IQCH: variants seen among roughly 807,000 people sequenced by gnomAD.
IQCH encodes IQ motif containing H.
A neutral mutation model predicts 117.0 loss-of-function variants in IQCH; 98 were observed. That is an observed-to-expected ratio of 0.84 (90% CI 0.71 to 0.99). IQCH has a LOEUF of 0.99. Ranked by LOEUF, IQCH falls within the 50% of genes least tolerant of loss-of-function variation. The pLI is 0.00. For synonymous variants in IQCH, 412 were observed against 448.2 expected, an observed-to-expected ratio of 0.92 and a Z score of 1.02; for missense variants, 1,102 against 1,243.8, an observed-to-expected ratio of 0.89 and a Z score of 1.72.
chr15:67,466,494 CT>C lies in IQCH; in HGVS notation c.2676+1201del. ...CCCAACATGAGTGTCCCAGAGATAC[CT>C]TTTCCAAGCGGTCTCCTGCCTCTCT... On this transcript the variant is annotated intron_variant, in intron 17 of 20. Transcript: ENST00000335894. The surrounding 1 kb of genome is among the most constrained non-coding windows in gnomAD (Gnocchi z 4.4). 1 of 152,262 alleles carries C rather than the reference CT, an allele frequency of 6.6e-6. No individual in the cohort carries two copies. Among genetic ancestry groups the C allele is most frequent in the Non-Finnish European group, 1.5e-5 (1 of 68,054 alleles). 9.4% of individuals were successfully genotyped at this position (152,262 alleles called of 1,614,324 possible). A position where few individuals can be genotyped will look rare whatever the true frequency, so the allele number is the denominator to read the frequency against.
intron 6 of IQCH, among the ~76,000 whole-genome samples, chr15:67,353,102 C>T (rs2140721116): frequency 6.6e-6 from 1 of 151,552 alleles, no homozygotes; most frequent in Non-Finnish European, 1.5e-5. Context: ...GCCAAGATTG[C>T]TCCACTGCAA....
At chr15:67,300,328 A>G (rs1966961838) in intron 4 of IQCH, among the ~76,000 whole-genome samples, 2 of 152,164 alleles carry the variant, frequency 1.3e-5, no homozygotes, top group South Asian at 2.1e-4. Context: ...ATAATTTACA[A>G]GATACTTACC....
chr15:67,423,425 C>G (rs909327754), intron 16 of IQCH, among the ~76,000 whole-genome samples: 1 of 151,744 alleles, frequency 6.6e-6, no homozygotes, highest in East Asian at 1.9e-4. Context: ...AAAAATTAGC[C>G]GGGCATAGTG....
chr15:67,440,012 C>T (rs1343902579), intron 16 of IQCH, among the ~76,000 whole-genome samples: 1 of 151,554 alleles, frequency 6.6e-6, no homozygotes, highest in African/African-American at 2.4e-5. Flanking sequence ...TCCAAATAAC[C>T]TCACTAAGAA....
rs1350832761 is a variant in IQCH, at chr15:67,410,817, T to TAG, written c.2098-6113_2098-6112dup. Among the ~76,000 whole-genome samples the TAG allele has an allele frequency of 6.6e-5, 10 of 152,316 alleles. 2 individuals are homozygous for TAG. The highest frequency in any genetic ancestry group is 2.4e-4 in the African/African-American group (10 of 41,570). ...TTTCATACATTTGACAGCACTGACT[T>TAG]AGCATCACCTGTGGATGATATAATC... On this transcript the variant is annotated intron_variant, in intron 14 of 20. Transcript: ENST00000335894.
intron 4 of IQCH, among the ~76,000 whole-genome samples, chr15:67,330,377 A>G (rs561603720): frequency 3.0e-4 from 46 of 152,344 alleles, no homozygotes; most frequent in African/African-American, 1.1e-3. Flanking sequence ...GTTAAATAAC[A>G]TACACTCTGC....
intron 10 of IQCH, among the ~76,000 whole-genome samples, chr15:67,383,077 T>C (rs369554908): frequency 2.0e-5 from 3 of 149,424 alleles, no homozygotes; most frequent in African/African-American, 7.4e-5. Context: ...ATCTTGTCCA[T>C]GTAGAATGGT....
intron 4 of IQCH, among the ~76,000 whole-genome samples, chr15:67,320,983 T>C (rs767886278): frequency 3.3e-5 from 5 of 152,206 alleles, no homozygotes; most frequent in Non-Finnish European, 7.3e-5. Flanking sequence ...TTTCCCAAAC[T>C]TCCTCAGAAC....
At position 67,475,562 on chromosome 15, in the gene IQCH, C is replaced by G; in HGVS notation, c.2677-134C>G. 1.5e-6 allele frequency: 1 copy of G among 679,900 alleles called. No homozygotes were observed. The highest frequency in any genetic ancestry group is 1.9e-5 in the South Asian group (1 of 51,660). 42.1% of individuals were successfully genotyped at this position (679,900 alleles called of 1,614,324 possible). A position where few individuals can be genotyped will look rare whatever the true frequency, so the allele number is the denominator to read the frequency against. ...GTACCACAGCAATGTAAGATGTTAA[C>G]AATAGGAGAACTGGGTGTGGGGGAT... On this transcript the variant is annotated intron_variant, in intron 17 of 20. Coordinates refer to ENST00000335894, the MANE Select transcript of IQCH (RefSeq NM_001031715.3). This position sits in a 1 kb window ranked among gnomAD's most constrained non-coding sequence, Gnocchi z 5.7.
At position 67,427,416 on chromosome 15, in the gene IQCH, A is replaced by G. The variant is rs1360215287; in HGVS notation, c.2505+5839A>G. ...TTTTTTGTAGAGATAGGGTCTCACTATGTTGCCCAGGCTGGTTTTGAACTC... is the reference window on the plus strand; with the variant it reads ...TTTTTTGTAGAGATAGGGTCTCACTGTGTTGCCCAGGCTGGTTTTGAACTC... On this transcript the variant is annotated intron_variant, in intron 16 of 20. Coordinates refer to ENST00000335894, the MANE Select transcript of IQCH (RefSeq NM_001031715.3). The surrounding 1 kb of genome is among the most constrained non-coding windows in gnomAD (Gnocchi z 4.7). 2.0e-5 allele frequency among the ~76,000 whole-genome samples: 3 copies of G among 152,054 alleles called. No individual in the cohort carries two copies. The highest frequency in any genetic ancestry group is 7.2e-5 in the African/African-American group (3 of 41,462).
At chr15:67,350,246 G>A (rs765608064) in intron 6 of IQCH, among the ~76,000 whole-genome samples, 2 of 152,070 alleles carry the variant, frequency 1.3e-5, no homozygotes, top group South Asian at 2.1e-4. Context: ...TGCATTATGC[G>A]AAGTGAAAGA....
Position 67,390,888 on chromosome 15 carries a change from A to G in IQCH, c.1632+1882A>G, listed in dbSNP as rs186110889. Reference sequence around the variant, plus strand: ...CTGAGGAAACCAAGACTCATTTTCTAGTCCAAGGTTACTAGTAAGGCCAGA... The same window carrying G: ...CTGAGGAAACCAAGACTCATTTTCTGGTCCAAGGTTACTAGTAAGGCCAGA... On this transcript the variant is annotated intron_variant, in intron 12 of 20. Transcript: ENST00000335894. The surrounding 1 kb of genome is among the most constrained non-coding windows in gnomAD (Gnocchi z 5.0). Among the ~76,000 whole-genome samples the G allele has an allele frequency of 6.6e-6, 1 of 152,358 alleles. No homozygotes were observed. Among genetic ancestry groups the G allele is most frequent in the East Asian group, 1.9e-4 (1 of 5,186 alleles).
intron 3 of IQCH, among the ~76,000 whole-genome samples, chr15:67,267,647 A>G (rs1339158941): frequency 6.6e-6 from 1 of 152,206 alleles, no homozygotes; most frequent in Non-Finnish European, 1.5e-5. Context: ...TCAGAGGCCA[A>G]AAGTCCCAGG....
chr15:67,431,259 T>G lies in IQCH; in HGVS notation c.2505+9682T>G, dbSNP rs1186599747. ...ATATAAAAGTCTCTAAACAAATAGA[T>G]TGGCAAAGATGCTCTATATGAAAAT... On this transcript the variant is annotated intron_variant, in intron 16 of 20. Transcript: ENST00000335894. This position sits in a 1 kb window ranked among gnomAD's most constrained non-coding sequence, Gnocchi z 4.8. Among the ~76,000 whole-genome samples, 1 of 152,190 alleles carries G rather than the reference T, an allele frequency of 6.6e-6. No homozygotes were observed. Among genetic ancestry groups the G allele is most frequent in the Non-Finnish European group, 1.5e-5 (1 of 68,024 alleles).
In IQCH at chr15:67,387,990, C is replaced by A. The variant is rs1241908121; in HGVS notation, c.1457-841C>A. 6.6e-6 allele frequency among the ~76,000 whole-genome samples: 1 copy of A among 152,166 alleles called. No homozygotes were observed. The highest frequency in any genetic ancestry group is 1.9e-4 in the East Asian group (1 of 5,190). The stretch of plus-strand genomic sequence containing the variant: ...CGTGCCCACAATGATTACTGTATTT[C>A]CCTCCACATTTAGCCAAGGGCTTTG... On this transcript the variant is annotated intron_variant, in intron 11 of 20. Coordinates refer to ENST00000335894, the MANE Select transcript of IQCH (RefSeq NM_001031715.3). This position sits in a 1 kb window ranked among gnomAD's most constrained non-coding sequence, Gnocchi z 4.8.
At chr15:67,304,394 G>C (rs565492872) in intron 4 of IQCH, 265 of 1,535,276 alleles carry the variant, frequency 1.7e-4, no homozygotes, top group Admixed American at 2.9e-4. Flanking sequence ...ATCCACCACA[G>C]AGCTGCTGTA....
At chr15:67,309,022 A>G (rs1339829128) in intron 4 of IQCH, among the ~76,000 whole-genome samples, 1 of 152,144 alleles carries the variant, frequency 6.6e-6, no homozygotes, top group African/African-American at 2.4e-5. Flanking sequence ...AGCTCTTAGA[A>G]TAGTGATTCT....
intron 16 of IQCH, among the ~76,000 whole-genome samples, chr15:67,452,683 G>A (rs1382554295): frequency 6.6e-6 from 1 of 152,182 alleles, no homozygotes; most frequent in Non-Finnish European, 1.5e-5. Flanking sequence ...CAACTTTGGT[G>A]AATCTGACAA....
intron 4 of IQCH, among the ~76,000 whole-genome samples, chr15:67,324,609 TA>T (rs35173773): frequency 5.5e-4 from 66 of 119,210 alleles, no homozygotes; most frequent in Admixed American, 8.8e-4. Context: ...AGACTCTGTC[TA>T]AAAAAAAAAA....
Sources: allele counts gnomAD v4.1 joint callset (sites outside exome capture counted in the v4.1 genomes callset), GRCh38; gene constraint gnomAD v4.1.1; non-coding constraint Gnocchi (gnomAD v3.1); transcripts MANE v1.5; gene names NCBI Gene and HGNC (gene_info 2026-07-23, HGNC 2026-07-21).